The following XKR9 variants were observed in gnomAD, a reference collection of about 807,000 sequenced individuals.
XKR9 encodes the protein XK related 9.
A neutral mutation model predicts 32.0 loss-of-function variants in XKR9; 32 were observed. The ratio of observed to expected loss-of-function variants is 1.00; its 90% CI spans 0.76 to 1.34. The LOEUF is 1.34. Among genes scored for constraint, XKR9 ranks in the 40% most tolerant of loss-of-function variants. The probability of loss-of-function intolerance (pLI) is 0.00; values close to 1 mark genes in which losing one functional copy is unlikely to be tolerated. For synonymous variants in XKR9, 168 were observed against 143.4 expected (o/e 1.17, Z -1.22); for missense variants, 546 against 429.7 (o/e 1.27, Z -2.39).
intron 3 of XKR9, among the ~76,000 whole-genome samples, chr8:70,686,919 G>C (rs745449413): frequency 6.6e-6 from 1 of 151,952 alleles, no homozygotes; most frequent in Non-Finnish European, 1.5e-5. Context: ...GGGTAATTGG[G>C]ATATTTATCA....
chr8:71,060,003 A>G, the XKR9 span, among the ~76,000 whole-genome samples: 1 of 152,162 alleles, frequency 6.6e-6, no homozygotes, highest in African/African-American at 2.4e-5. Context: ...TTGTGGTCTT[A>G]GGAAATTATT....
chr8:70,753,786 A>G (rs1445195152), intron 2 of XKR9, among the ~76,000 whole-genome samples: 2 of 150,774 alleles, frequency 1.3e-5, no homozygotes, highest in South Asian at 4.2e-4. Context: ...AGAGCTATCT[A>G]TGACAAACCC....
In XKR9 at chr8:70,735,426, T is replaced by C. The variant is rs1265424560; in HGVS notation, c.*1002T>C. 1.3e-5 allele frequency: 2 copies of C among 151,342 alleles called. No individual in the cohort carries two copies. Among genetic ancestry groups the C allele is most frequent in the African/African-American group, 2.4e-5 (1 of 41,304 alleles). 9.4% of individuals were successfully genotyped at this position (151,342 alleles called of 1,614,324 possible). ...TGGCATTTGGAAGTGGTGGGGACTT[T>C]GTTTATTTATTTATTTTTAATTTTT... On this transcript the variant is annotated 3_prime_UTR_variant, in exon 5 of 5. Transcript: ENST00000408926.
chr8:70,809,043 C>A, the XKR9 span, among the ~76,000 whole-genome samples: 10 of 152,192 alleles, frequency 6.6e-5, no homozygotes, highest in African/African-American at 2.4e-4. Flanking sequence ...GTAGGCACCC[C>A]CCAGTAGGGG....
chr8:70,924,393 T>C, the XKR9 span, among the ~76,000 whole-genome samples: 1 of 152,212 alleles, frequency 6.6e-6, no homozygotes. Context: ...TGTAAGCCTC[T>C]GGTTTTAATC....
chr8:70,858,345 A>T, the XKR9 span, among the ~76,000 whole-genome samples: 1 of 152,316 alleles, frequency 6.6e-6, no homozygotes, highest in Admixed American at 6.5e-5. Context: ...GAGCCAAATC[A>T]TGAGTGAACT....
chr8:70,676,543 G>C (rs572994431), intron 2 of XKR9, among the ~76,000 whole-genome samples: 68 of 152,272 alleles, frequency 4.5e-4, no homozygotes, highest in Non-Finnish European at 7.6e-4. Context: ...CAGATCCGCC[G>C]TATGTATTAG....
At chr8:70,996,522 T>A in the XKR9 span, among the ~76,000 whole-genome samples, 1 of 152,230 alleles carries the variant, frequency 6.6e-6, no homozygotes, top group South Asian at 2.1e-4. Context: ...TTTTAATTGC[T>A]TGGTAGTCTT....
chr8:70,879,110 G>A, the XKR9 span, among the ~76,000 whole-genome samples: 11 of 152,120 alleles, frequency 7.2e-5, no homozygotes, highest in Non-Finnish European at 1.6e-4. Flanking sequence ...AAACCAATGA[G>A]AACAAAGACA....
chr8:70,902,217 G>A, the XKR9 span, among the ~76,000 whole-genome samples: 1 of 152,118 alleles, frequency 6.6e-6, no homozygotes, highest in African/African-American at 2.4e-5. Flanking sequence ...GATGGGGATG[G>A]CATTGAATCT....
chr8:70,914,552 C>A, the XKR9 span, among the ~76,000 whole-genome samples: 28 of 152,074 alleles, frequency 1.8e-4, no homozygotes, highest in African/African-American at 6.7e-4. Flanking sequence ...ATCTTTTGCC[C>A]ATTTTTTCTA....
chr8:70,790,423 G>A (rs1807749950), downstream of XKR9: 1 of 152,032 alleles, frequency 6.6e-6, no homozygotes, highest in South Asian at 2.1e-4. Context: ...TTTGTACTTA[G>A]TCATTCTCAT....
At chr8:70,879,679 CA>C in the XKR9 span, among the ~76,000 whole-genome samples, 6 of 150,568 alleles carry the variant, frequency 4.0e-5, no homozygotes, top group South Asian at 6.3e-4. Context: ...GCCTACCAAC[CA>C]AAAAAAAAGC....
the XKR9 span, among the ~76,000 whole-genome samples, chr8:70,968,231 T>C: frequency 6.6e-6 from 1 of 152,250 alleles, no homozygotes; most frequent in Non-Finnish European, 1.5e-5. Context: ...TCTGTTCTGC[T>C]GTTGATACTT....
At chr8:70,784,421 CT>C (rs1807656628) in intron 2 of XKR9, among the ~76,000 whole-genome samples, 1 of 150,466 alleles carries the variant, frequency 6.6e-6, no homozygotes, top group Admixed American at 6.6e-5. Context: ...TTTTTTTTAC[CT>C]CTTTAGTTAA....
intron 2 of XKR9, among the ~76,000 whole-genome samples, chr8:70,776,040 C>G (rs1807515638): frequency 6.6e-6 from 1 of 152,230 alleles, no homozygotes; most frequent in South Asian, 2.1e-4. Context: ...GCCACTGCCC[C>G]CAACCTGGTC....
At position 70,735,733 on chromosome 8, in the gene XKR9, G is replaced by A. The variant is rs1201573360; in HGVS notation, c.*1309G>A. 6.6e-6 allele frequency: 1 copy of A among 150,830 alleles called. No homozygotes were observed. Among genetic ancestry groups the A allele is most frequent in the Admixed American group, 6.6e-5 (1 of 15,102 alleles). 9.3% of individuals were successfully genotyped at this position (150,830 alleles called of 1,614,324 possible). A position where few individuals can be genotyped will look rare whatever the true frequency, so the allele number is the denominator to read the frequency against. Reference sequence around the variant, plus strand: ...GCAGTGTTTGGTTTTTTGTTCTTGCGATAGTTTACTGAGAATGATGATTTC... The same window carrying A: ...GCAGTGTTTGGTTTTTTGTTCTTGCAATAGTTTACTGAGAATGATGATTTC... On this transcript the variant is annotated 3_prime_UTR_variant, in exon 5 of 5. Transcript: ENST00000408926.
the XKR9 span, among the ~76,000 whole-genome samples, chr8:71,051,490 T>A: frequency 5.9e-5 from 9 of 151,454 alleles, no homozygotes; most frequent in African/African-American, 2.2e-4. Flanking sequence ...CTTCAAGTTT[T>A]CATGGTTTGT....
intron 4 of XKR9, among the ~76,000 whole-genome samples, chr8:70,719,614 G>A (rs1806208031): frequency 6.6e-6 from 1 of 152,048 alleles, no homozygotes; most frequent in Admixed American, 6.6e-5. Flanking sequence ...TAGACCTGTG[G>A]TGTTATTTCT....
Sources: gnomAD v4.1 joint callset for allele counts (sites outside exome capture counted in the v4.1 genomes callset) on GRCh38, gnomAD v4.1.1 for gene constraint, MANE v1.5 for transcripts, NCBI Gene and HGNC (gene_info 2026-07-23, HGNC 2026-07-21) for gene names.